NBAS: variants seen among roughly 807,000 people sequenced by gnomAD.
NBAS encodes the protein NBAS subunit of NRZ tethering complex.
Under a neutral mutation model 302.5 loss-of-function variants are expected in NBAS, and 219 were observed. The observed-to-expected ratio is 0.72, with a 90% CI of 0.65 to 0.81. The LOEUF (loss-of-function observed/expected upper bound fraction) is 0.81. Among genes scored for constraint, NBAS ranks in the 30% least tolerant of loss-of-function variants. The pLI is 0.00. For missense variants in NBAS, 2,932 were observed against 2,841.6 expected (o/e 1.03, Z -0.72); for synonymous variants, 1,118 against 1,021.6 (o/e 1.09, Z -1.80).
chr2:15,248,047 T>C (rs1446053499), intron 44 of NBAS, among the ~76,000 whole-genome samples: 2 of 152,158 alleles, frequency 1.3e-5, no homozygotes, highest in African/African-American at 4.8e-5. Flanking sequence ...GACCACATAA[T>C]TGGAAGTAAA....
chr2:14,872,811 A>T, the NBAS span, among the ~76,000 whole-genome samples: 1 of 151,948 alleles, frequency 6.6e-6, no homozygotes, highest in Non-Finnish European at 1.5e-5. Flanking sequence ...TGCTGACTTC[A>T]CGAGTGAAGC....
chr2:14,863,411 G>A, the NBAS span, among the ~76,000 whole-genome samples: 2 of 152,176 alleles, frequency 1.3e-5, no homozygotes, highest in Non-Finnish European at 2.9e-5. Flanking sequence ...GTTGTCAGCA[G>A]GGGAGGGGGT....
At chr2:15,409,010 C>T (rs1421036057) in intron 25 of NBAS, among the ~76,000 whole-genome samples, 3 of 152,082 alleles carry the variant, frequency 2.0e-5, no homozygotes, top group Non-Finnish European at 2.9e-5. Context: ...ACCATCCCTA[C>T]AAAAAGTTAT....
At chr2:14,912,696 T>G in the NBAS span, among the ~76,000 whole-genome samples, 2 of 123,330 alleles carry the variant, frequency 1.6e-5, no homozygotes, top group South Asian at 4.9e-4. Context: ...CACCATGCAT[T>G]CATTTTTAAA....
chr2:14,786,850 G>C, the NBAS span, among the ~76,000 whole-genome samples: 1 of 152,148 alleles, frequency 6.6e-6, no homozygotes, highest in Non-Finnish European at 1.5e-5. Context: ...GCTTGGTGCA[G>C]AGCTGAGTTC....
chr2:14,997,143 A>T, the NBAS span, among the ~76,000 whole-genome samples: 127 of 152,252 alleles, frequency 8.3e-4, 2 homozygotes, highest in Non-Finnish European at 2.8e-4. Context: ...AGATACTGGG[A>T]TGTACTTGAG....
At position 15,542,102 on chromosome 2, in the gene NBAS, T is replaced by C. The variant is rs199794489; in HGVS notation, c.380-2746A>G. 7.1e-3 allele frequency among the ~76,000 whole-genome samples: 444 copies of C among 62,544 alleles called. 18 individuals carry two copies. Among genetic ancestry groups the C allele is most frequent in the African/African-American group, 0.014 (237 of 16,578 alleles). The allele number at this position is 62,544 out of a possible 152,430, so 41.0% of individuals were successfully genotyped here. On this transcript the variant is annotated intron_variant, in intron 6 of 51. Transcript: ENST00000281513. ...CTGGGAAGTGAGGAGCCCCTCTGCCTGGCCACCACCCCGTCTGGGAGGTGT... is the reference window on the plus strand; with the variant it reads ...CTGGGAAGTGAGGAGCCCCTCTGCCCGGCCACCACCCCGTCTGGGAGGTGT...
the NBAS span, among the ~76,000 whole-genome samples, chr2:15,127,410 C>T: frequency 6.6e-6 from 1 of 152,254 alleles, no homozygotes; most frequent in African/African-American, 2.4e-5. Flanking sequence ...TCTCTCTCAA[C>T]AGCCCTGGCT....
the NBAS span, among the ~76,000 whole-genome samples, chr2:14,959,255 GCA>G: frequency 2.6e-5 from 4 of 152,170 alleles, no homozygotes; most frequent in African/African-American, 9.7e-5. Flanking sequence ...AGCCCATAAT[GCA>G]CCAGGTACAT....
chr2:15,196,767 C>T (rs1665641923), intron 48 of NBAS, among the ~76,000 whole-genome samples: 1 of 152,096 alleles, frequency 6.6e-6, no homozygotes, highest in Admixed American at 6.6e-5. Flanking sequence ...ATCACTTCTA[C>T]CTGCCTTTTG....
chr2:14,941,774 T>C, the NBAS span, among the ~76,000 whole-genome samples: 1 of 152,242 alleles, frequency 6.6e-6, no homozygotes, highest in Non-Finnish European at 1.5e-5. Flanking sequence ...AGCCACAGAT[T>C]GTTATCAGAC....
Position 15,424,484 on chromosome 2 carries a change from G to T in NBAS, c.2424-16C>A. On this transcript the variant is annotated splice_polypyrimidine_tract_variant and intron_variant, in intron 22 of 51. Transcript: ENST00000281513. The stretch of plus-strand genomic sequence containing the variant: ...AACAACCATTCTGTGAAGCACAAAA[G>T]GACCAATTAATAACTGACTAGAATG... 1.9e-6 allele frequency: 3 copies of T among 1,613,730 alleles called. No homozygotes were observed. Among genetic ancestry groups the T allele is most frequent in the Non-Finnish European group, 2.5e-6 (3 of 1,179,712 alleles).
the NBAS span, among the ~76,000 whole-genome samples, chr2:15,061,550 T>G: frequency 6.6e-6 from 1 of 152,234 alleles, no homozygotes; most frequent in East Asian, 1.9e-4. Context: ...TGAGCTGATG[T>G]CATCAAGGTC....
chr2:14,799,128 A>G, the NBAS span, among the ~76,000 whole-genome samples: 6 of 151,780 alleles, frequency 4.0e-5, no homozygotes, highest in Non-Finnish European at 5.9e-5. Context: ...CTGATTTCTC[A>G]AGGTAGAAAC....
intron 1 of NBAS, 93 bp downstream of exon 1, chr2:15,561,095 C>A (rs1238698617): frequency 4.5e-6 from 5 of 1,105,410 alleles, no homozygotes; most frequent in Admixed American, 1.7e-5. Context: ...CCCACCCACC[C>A]GTCTCCACTC....
At chr2:15,148,294 C>T in the NBAS span, among the ~76,000 whole-genome samples, 1 of 152,158 alleles carries the variant, frequency 6.6e-6, no homozygotes, top group Admixed American at 6.5e-5. Context: ...CAGGCCCTGC[C>T]ACCAAAGAGG....
At chr2:14,875,361 T>C in the NBAS span, among the ~76,000 whole-genome samples, 1 of 152,190 alleles carries the variant, frequency 6.6e-6, no homozygotes, top group Non-Finnish European at 1.5e-5. Context: ...GGCTCAAGCC[T>C]GTAATCCCAG....
the NBAS span, among the ~76,000 whole-genome samples, chr2:15,104,341 G>A: frequency 6.6e-6 from 1 of 152,116 alleles, no homozygotes; most frequent in South Asian, 2.1e-4. Context: ...CATGAAAGAA[G>A]ACTAATACAA....
chr2:14,858,014 A>G, the NBAS span, among the ~76,000 whole-genome samples: 1 of 152,184 alleles, frequency 6.6e-6, no homozygotes, highest in Non-Finnish European at 1.5e-5. Flanking sequence ...AGTGGGCAAG[A>G]GACTTTAATG....
Sources: gnomAD v4.1 joint callset for allele counts (sites outside exome capture counted in the v4.1 genomes callset) on GRCh38, gnomAD v4.1.1 for gene constraint, MANE v1.5 for transcripts, NCBI Gene and HGNC (gene_info 2026-07-23, HGNC 2026-07-21) for gene names.